PDE4D: variants seen among roughly 807,000 people sequenced by gnomAD.
PDE4D encodes the protein 3',5'-cyclic-AMP phosphodiesterase 4D.
In PDE4D, 24 loss-of-function variants were observed where a neutral mutation model predicts 87.4. The ratio of observed to expected loss-of-function variants is 0.27; its 90% CI spans 0.20 to 0.39. PDE4D has a LOEUF of 0.39. PDE4D is among the 10% of genes least tolerant of loss of function. The pLI is 1.00. For missense variants in PDE4D, 714 were observed against 1,041.0 expected, an observed-to-expected ratio of 0.69 and a Z score of 4.32; for synonymous variants, 384 against 383.2, an observed-to-expected ratio of 1.00 and a Z score of -0.02.
At chr5:59,708,048 T>C (rs1464463030) in intron 1 of PDE4D, among the ~76,000 whole-genome samples, 1 of 152,180 alleles carries the variant, frequency 6.6e-6, no homozygotes, top group East Asian at 1.9e-4. Context: ...TCTTCCATAA[T>C]GGTTGAACTA....
intron 6 of PDE4D, among the ~76,000 whole-genome samples, chr5:59,033,458 C>T (rs1757944752): frequency 6.6e-6 from 1 of 152,180 alleles, no homozygotes; most frequent in African/African-American, 2.4e-5. Context: ...CCCCAGCAAT[C>T]TACAGTTCTA....
intron 1 of PDE4D, among the ~76,000 whole-genome samples, chr5:60,437,826 T>C (rs192610522): frequency 2.0e-5 from 3 of 152,252 alleles, no homozygotes; most frequent in Admixed American, 6.5e-5. Flanking sequence ...TGTTTCCATA[T>C]CAATCCTGCT....
chr5:60,142,236 GGGAAGAA>G (rs1339738457), intron 2 of PDE4D, among the ~76,000 whole-genome samples: 1 of 151,582 alleles, frequency 6.6e-6, no homozygotes, highest in African/African-American at 2.4e-5. Flanking sequence ...GAGGGAGGGA[GGGAAGAA>G]GGAAGGAAAG....
intron 1 of PDE4D, among the ~76,000 whole-genome samples, chr5:59,705,270 G>A (rs1411595428): frequency 3.3e-5 from 5 of 152,104 alleles, no homozygotes; most frequent in Admixed American, 1.3e-4. Context: ...CCAAACTGTT[G>A]TCTGGAGCCT....
At chr5:60,215,147 C>T (rs921628195) in intron 1 of PDE4D, among the ~76,000 whole-genome samples, 9 of 152,192 alleles carry the variant, frequency 5.9e-5, no homozygotes, top group African/African-American at 1.4e-4. Context: ...ATTCATTTGG[C>T]GACCAAATCT....
At chr5:60,154,134 C>CT (rs1207941143) in intron 2 of PDE4D, among the ~76,000 whole-genome samples, 1 of 152,042 alleles carries the variant, frequency 6.6e-6, no homozygotes, top group South Asian at 2.1e-4. Context: ...TGAAACAGTG[C>CT]TTTTTTTCAA....
At chr5:59,688,529 A>G (rs1750315557) in intron 1 of PDE4D, among the ~76,000 whole-genome samples, 2 of 152,220 alleles carry the variant, frequency 1.3e-5, no homozygotes, top group African/African-American at 4.8e-5. Flanking sequence ...AATGAGAACA[A>G]AGACACAACA....
chr5:59,182,758 G>A (rs1428008889), intron 4 of PDE4D, among the ~76,000 whole-genome samples: 1 of 152,092 alleles, frequency 6.6e-6, no homozygotes, highest in Non-Finnish European at 1.5e-5. Context: ...TTGATCCATG[G>A]TTGCCTCGAT....
intron 2 of PDE4D, among the ~76,000 whole-genome samples, chr5:59,198,041 T>C (rs926532856): frequency 2.0e-5 from 3 of 152,190 alleles, no homozygotes; most frequent in African/African-American, 7.2e-5. Flanking sequence ...AAAAGCTAGA[T>C]TCAAAGTCAC....
chr5:59,075,743 T>C (rs1765582678), intron 5 of PDE4D, among the ~76,000 whole-genome samples: 1 of 152,184 alleles, frequency 6.6e-6, no homozygotes, highest in Admixed American at 6.5e-5. Context: ...AAGATTTACA[T>C]TAGAAAGATA....
At chr5:59,323,798 G>A (rs1445070733) in intron 1 of PDE4D, among the ~76,000 whole-genome samples, 3 of 151,470 alleles carry the variant, frequency 2.0e-5, no homozygotes, top group Non-Finnish European at 2.9e-5. Flanking sequence ...TTTTTTTGAA[G>A]TGCATATTTA....
intron 2 of PDE4D, among the ~76,000 whole-genome samples, chr5:60,076,768 G>C (rs988084614): frequency 6.6e-6 from 1 of 152,204 alleles, no homozygotes; most frequent in African/African-American, 2.4e-5. Context: ...AGCTTCATAG[G>C]GCAGAGGCAG....
At chr5:59,312,320 G>A (rs963561979) in intron 1 of PDE4D, among the ~76,000 whole-genome samples, 4 of 152,228 alleles carry the variant, frequency 2.6e-5, no homozygotes, top group African/African-American at 9.6e-5. Context: ...AGGAAAGACA[G>A]ACCATCTGCG....
At chr5:59,930,323 A>G (rs1329801142) in intron 3 of PDE4D, among the ~76,000 whole-genome samples, 4 of 152,172 alleles carry the variant, frequency 2.6e-5, no homozygotes, top group Non-Finnish European at 4.4e-5. Flanking sequence ...AAATCCAATG[A>G]TAAGTGCCCT....
intron 3 of PDE4D, among the ~76,000 whole-genome samples, chr5:59,925,195 A>ACTTTCATT (rs1252716567): frequency 2.6e-5 from 4 of 151,446 alleles, no homozygotes; most frequent in African/African-American, 9.7e-5. Context: ...GAAACAATGA[A>ACTTTCATT]AGTTAAAAAG....
intron 2 of PDE4D, among the ~76,000 whole-genome samples, chr5:60,060,121 A>C (rs1338216933): frequency 1.3e-5 from 2 of 152,104 alleles, no homozygotes; most frequent in Non-Finnish European, 2.9e-5. Flanking sequence ...TACTCTAATA[A>C]TTATTCTATG....
At chr5:59,801,174 CT>C (rs1767085862) in intron 1 of PDE4D, among the ~76,000 whole-genome samples, 1 of 152,110 alleles carries the variant, frequency 6.6e-6, no homozygotes, top group African/African-American at 2.4e-5. Flanking sequence ...ACTGTCATAG[CT>C]TGAGTGTTGA....
chr5:59,430,173 T>C, intron 1 of PDE4D: 2 of 889,306 alleles, frequency 2.2e-6, no homozygotes, highest in Non-Finnish European at 3.0e-6. Context: ...ATCCAGTGTG[T>C]TGAATAAAAA....
At chr5:60,282,126 T>C (rs896503626) in intron 1 of PDE4D, among the ~76,000 whole-genome samples, 19 of 151,158 alleles carry the variant, frequency 1.3e-4, no homozygotes, top group Non-Finnish European at 2.5e-4. Context: ...TCATTCCTAG[T>C]GTACAGAATC....
Sources: allele counts gnomAD v4.1 joint callset (sites outside exome capture counted in the v4.1 genomes callset), GRCh38; gene constraint gnomAD v4.1.1; transcripts MANE v1.5; gene names NCBI Gene and HGNC (gene_info 2026-07-23, HGNC 2026-07-21).